KSR2: variants seen among roughly 807,000 people sequenced by gnomAD.
The protein encoded by KSR2 is kinase suppressor of ras 2.
KSR2 carries 25 observed loss-of-function variants against 107.8 expected under a neutral mutation model. The ratio of observed to expected loss-of-function variants is 0.23; its 90% CI spans 0.17 to 0.32. KSR2 has a LOEUF of 0.32. KSR2 is among the 10% of genes least tolerant of loss of function. KSR2 has a pLI of 1.00. For synonymous variants in KSR2, 480 were observed against 507.0 expected (o/e 0.95, Z 0.71); for missense variants, 887 against 1,268.9 (o/e 0.70, Z 4.57).
At chr12:117,618,874 C>G (rs1366923679) in intron 5 of KSR2, among the ~76,000 whole-genome samples, 2 of 152,164 alleles carry the variant, frequency 1.3e-5, no homozygotes, top group African/African-American at 4.8e-5. Flanking sequence ...TGAAAACGGA[C>G]TAATACGTGG....
intron 3 of KSR2, among the ~76,000 whole-genome samples, chr12:117,779,062 A>G (rs1423158543): frequency 6.6e-6 from 1 of 152,078 alleles, no homozygotes; most frequent in East Asian, 1.9e-4. Context: ...TTTCCCTCCC[A>G]ATTTCCCTCT....
chr12:117,653,260 G>A (rs1593095411), intron 5 of KSR2, among the ~76,000 whole-genome samples: 1 of 152,368 alleles, frequency 6.6e-6, no homozygotes, highest in African/African-American at 2.4e-5. Context: ...TGGTTTCATT[G>A]CTTGAGCAAA....
chr12:117,618,706 C>T (rs186386898), intron 5 of KSR2, among the ~76,000 whole-genome samples: 6 of 152,216 alleles, frequency 3.9e-5, no homozygotes, highest in African/African-American at 1.4e-4. Context: ...ATTTGGTTCT[C>T]TCATTCTCTC....
intron 3 of KSR2, among the ~76,000 whole-genome samples, chr12:117,820,414 C>T (rs991477099): frequency 2.0e-5 from 3 of 152,104 alleles, no homozygotes; most frequent in South Asian, 2.1e-4. Context: ...CAGTGGGTCC[C>T]GGAAATTCAG....
intron 1 of KSR2, among the ~76,000 whole-genome samples, chr12:117,950,304 A>C (rs935083081): frequency 1.3e-5 from 2 of 152,156 alleles, no homozygotes; most frequent in African/African-American, 4.8e-5. Flanking sequence ...TTAAACAATA[A>C]GATAGATTCA....
intron 7 of KSR2, among the ~76,000 whole-genome samples, chr12:117,563,594 C>G (rs183674680): frequency 1.3e-5 from 2 of 152,102 alleles, no homozygotes; most frequent in Non-Finnish European, 2.9e-5. Context: ...TCTCAAGCAG[C>G]GGCAGGTGCT....
chr12:117,818,626 A>T (rs1193289532), intron 3 of KSR2, among the ~76,000 whole-genome samples: 2 of 152,130 alleles, frequency 1.3e-5, no homozygotes, highest in Non-Finnish European at 2.9e-5. Context: ...ATAAATGTTC[A>T]TGGGTGGCAG....
chr12:117,809,322 G>T lies in KSR2; in HGVS notation c.472+46106C>A, dbSNP rs1357706904. Among the ~76,000 whole-genome samples, 5 of 152,020 alleles carry T rather than the reference G, an allele frequency of 3.3e-5. No individual in the cohort carries two copies. The East Asian group carries it at 9.7e-4, about 29-fold the overall frequency. On this transcript the variant is annotated intron_variant, in intron 3 of 19. Transcript: ENST00000339824. The stretch of plus-strand genomic sequence containing the variant: ...GGTCTGGCTAATTCTTTGTTGATGG[G>T]GGTTGCGCTGTCCTGTGTATTGAAG...
intron 3 of KSR2, among the ~76,000 whole-genome samples, chr12:117,767,281 C>A (rs1458189141): frequency 1.4e-5 from 2 of 145,926 alleles, no homozygotes; most frequent in African/African-American, 5.1e-5. Context: ...AAAAAATAGC[C>A]GGGCGTGGTG....
At chr12:117,857,986 C>G (rs1340216492) in intron 2 of KSR2, among the ~76,000 whole-genome samples, 1 of 152,188 alleles carries the variant, frequency 6.6e-6, no homozygotes, top group Non-Finnish European at 1.5e-5. Flanking sequence ...AACTCAGGTA[C>G]CTGCAGGTCA....
At chr12:117,756,738 T>C (rs935882459) in intron 4 of KSR2, among the ~76,000 whole-genome samples, 5 of 152,168 alleles carry the variant, frequency 3.3e-5, no homozygotes, top group African/African-American at 4.8e-5. Flanking sequence ...ATTCCTCTGA[T>C]GGATCTGGGA....
chr12:117,882,505 C>T (rs1243958179), intron 1 of KSR2, among the ~76,000 whole-genome samples: 1 of 152,170 alleles, frequency 6.6e-6, no homozygotes, highest in Admixed American at 6.6e-5. Flanking sequence ...TTCCATCCAT[C>T]CATCCATCCA....
At chr12:117,615,320 A>G (rs1358828649) in intron 5 of KSR2, among the ~76,000 whole-genome samples, 1 of 152,088 alleles carries the variant, frequency 6.6e-6, no homozygotes, top group Non-Finnish European at 1.5e-5. Context: ...AAGCTCAGGC[A>G]CAGGAGTTAA....
intron 1 of KSR2, among the ~76,000 whole-genome samples, chr12:117,891,588 T>G (rs1279935562): frequency 6.6e-6 from 1 of 152,022 alleles, no homozygotes; most frequent in Non-Finnish European, 1.5e-5. Flanking sequence ...AAATATTAAA[T>G]TTTTTAAAAA....
rs56095185 is a variant in KSR2 at position 117,893,907 on chromosome 12, CT to C, written c.181-33477del. On this transcript the variant is annotated intron_variant, in intron 1 of 19. Transcript: ENST00000339824. Reference sequence around the variant, plus strand: ...AGAAAAATCCACAAAGAACAAAATTCTTTTTTTTTTTTTTTTTTTTGAGACG... The same window carrying C: ...AGAAAAATCCACAAAGAACAAAATTCTTTTTTTTTTTTTTTTTTTGAGACG... Among the ~76,000 whole-genome samples the C allele has an allele frequency of 4.3e-3, 561 of 129,304 alleles. 3 individuals carry two copies. The highest frequency in any genetic ancestry group is 0.013 in the African/African-American group (423 of 33,618). 84.8% of individuals were successfully genotyped at this position (129,304 alleles called of 152,430 possible). A position where few individuals can be genotyped will look rare whatever the true frequency, so the allele number is the denominator to read the frequency against.
At chr12:117,835,996 C>A (rs1344733247) in intron 3 of KSR2, among the ~76,000 whole-genome samples, 3 of 152,272 alleles carry the variant, frequency 2.0e-5, no homozygotes, top group East Asian at 3.9e-4. Context: ...CGTAAACTGA[C>A]AACCCCCTAC....
intron 7 of KSR2, among the ~76,000 whole-genome samples, chr12:117,578,125 C>A (rs1435434490): frequency 6.6e-6 from 1 of 152,082 alleles, no homozygotes; most frequent in Admixed American, 6.5e-5. Context: ...AAACTCCAGA[C>A]CAATATGATA....
chr12:117,824,683 T>C (rs1253912319), intron 3 of KSR2, among the ~76,000 whole-genome samples: 1 of 151,462 alleles, frequency 6.6e-6, no homozygotes, highest in Non-Finnish European at 1.5e-5. Context: ...AGTGAAACCC[T>C]GTCTCCACTA....
intron 14 of KSR2, among the ~76,000 whole-genome samples, chr12:117,504,644 G>A (rs1206017607): frequency 6.6e-6 from 1 of 152,070 alleles, no homozygotes; most frequent in Non-Finnish European, 1.5e-5. Context: ...GCATGCTCTG[G>A]GAAGGTTAGT....
Sources: allele counts gnomAD v4.1 joint callset (sites outside exome capture counted in the v4.1 genomes callset), GRCh38; gene constraint gnomAD v4.1.1; transcripts MANE v1.5; gene names NCBI Gene and HGNC (gene_info 2026-07-23, HGNC 2026-07-21).